Variants in SLC2A2 observed in about 807,000 individuals in gnomAD.
SLC2A2 encodes the protein solute carrier family 2, facilitated glucose transporter member 2.
In SLC2A2, 36 loss-of-function variants were observed where a neutral mutation model predicts 54.5. The ratio of observed to expected loss-of-function variants is 0.66; its 90% CI spans 0.51 to 0.87. The LOEUF (loss-of-function observed/expected upper bound fraction) is 0.87, where lower values mean the gene tolerates loss of function less well. SLC2A2 is among the 40% of genes least tolerant of loss of function. SLC2A2 has a pLI of 0.00. For missense variants in SLC2A2, 543 were observed against 624.3 expected (o/e 0.87, Z 1.39); for synonymous variants, 223 against 219.1 (o/e 1.02, Z -0.16).
chr3:171,019,129 GTATATATA>G (rs200539659), intron 1 of SLC2A2, among the ~76,000 whole-genome samples: 1 of 25,036 alleles, frequency 4.0e-5, no homozygotes, highest in African/African-American at 2.5e-4. Flanking sequence ...ATATACGTAT[GTATATATA>G]TATATATATA....
chr3:171,018,499 C>G, intron 2 of SLC2A2, 32 bp downstream of exon 2: 1 of 1,461,812 alleles, frequency 6.8e-7, no homozygotes, highest in Non-Finnish European at 9.6e-7. Context: ...ACAGAACTTG[C>G]CAAAAAGAGA....
intron 2 of SLC2A2, among the ~76,000 whole-genome samples, chr3:171,016,756 C>T (rs1426830247): frequency 2.0e-5 from 3 of 151,934 alleles, no homozygotes; most frequent in East Asian, 1.9e-4. Flanking sequence ...GTATGGGGAT[C>T]GCTGTTTTCA....
At chr3:171,005,743 G>A (rs1715566552) in intron 6 of SLC2A2, among the ~76,000 whole-genome samples, 200 bp downstream of exon 6, 1 of 151,986 alleles carries the variant, frequency 6.6e-6, no homozygotes, top group Admixed American at 6.6e-5. Flanking sequence ...CTCTGGTTGA[G>A]TCTAATACCG....
At chr3:171,025,327 C>T (rs1455648182) in intron 1 of SLC2A2, among the ~76,000 whole-genome samples, 1 of 133,772 alleles carries the variant, frequency 7.5e-6, no homozygotes, top group Admixed American at 7.2e-5. Context: ...TATAATTTAT[C>T]TTTTATAATT....
chr3:171,014,849 C>A (rs186730644), intron 2 of SLC2A2, 118 bp from the exon 3 acceptor site: 146 of 776,870 alleles, frequency 1.9e-4, no homozygotes, highest in Non-Finnish European at 2.9e-4. Flanking sequence ...GTTTTATATA[C>A]ATATAAACAT....
intron 2 of SLC2A2, among the ~76,000 whole-genome samples, chr3:171,016,177 T>C (rs1716142687): frequency 6.6e-6 from 1 of 152,196 alleles, no homozygotes; most frequent in Non-Finnish European, 1.5e-5. Context: ...AGCTCATGCC[T>C]GTAATCTAGC....
Position 170,998,082 on chromosome 3 carries a change from A to C in SLC2A2, c.1396T>G (p.Phe466Val), listed in dbSNP as rs1715171599. ...YIADFCGPYVFFLFAGVLLAF... is the reference protein window; with the variant it reads ...YIADFCGPYVVFLFAGVLLAF... ...AGGAGCACTCCAGCAAAGAGGAAAAACACATAAGGTCCACAGAAGTCCTGG... is the reference window on the plus strand; with the variant it reads ...AGGAGCACTCCAGCAAAGAGGAAAACCACATAAGGTCCACAGAAGTCCTGG... The change falls in exon 11 of 11, where the codon TTT becomes GTT. Residue 466 changes from phenylalanine (F) to valine (V), a missense_variant. This residue lies in a region of SLC2A2 where 108 missense variants were observed against 101.3 expected (regional missense o/e 1.07). Coordinates refer to ENST00000314251, the MANE Select transcript of SLC2A2 (RefSeq NM_000340.2). 6.2e-7 allele frequency: 1 copy of C among 1,613,676 alleles called. No homozygotes were observed. Among genetic ancestry groups the C allele is most frequent in the Non-Finnish European group, 8.5e-7 (1 of 1,179,784 alleles).
intron 2 of SLC2A2, 61 bp downstream of exon 2, chr3:171,018,470 C>G (rs1037911615): frequency 4.4e-6 from 5 of 1,136,116 alleles, no homozygotes; most frequent in Non-Finnish European, 6.7e-6. Context: ...GTATGAGGAA[C>G]ATATGATATC....
intron 4 of SLC2A2, chr3:171,007,567 G>A (rs1715672889): frequency 5.7e-6 from 2 of 353,524 alleles, no homozygotes; most frequent in Admixed American, 4.1e-5. Flanking sequence ...TAATGCCTTA[G>A]GTTATCTTCA....
chr3:171,003,438 T>C (rs933537534), intron 7 of SLC2A2, among the ~76,000 whole-genome samples: 1 of 149,864 alleles, frequency 6.7e-6, no homozygotes, highest in African/African-American at 2.4e-5. Flanking sequence ...ATGTAGTTTT[T>C]TTTGGGGGGG....
rs79709731 is a variant in SLC2A2 at position 171,010,412 on chromosome 3, C to T, written c.372-330G>A. 8.0e-3 allele frequency among the ~76,000 whole-genome samples: 1,220 copies of T among 152,248 alleles called. 22 individuals carry two copies. Among genetic ancestry groups the T allele is most frequent in the African/African-American group, 0.027 (1,118 of 41,558 alleles). ...CATCATGGTTCATTGAAGTCTTGAC[C>T]TCCCAGGCTCAAGCCTAATCTCTAC... is the stretch of plus-strand genomic sequence containing the variant. On this transcript the variant is annotated intron_variant, in intron 3 of 10. Transcript: ENST00000314251.
intron 3 of SLC2A2, among the ~76,000 whole-genome samples, chr3:171,013,909 G>C (rs1716004048): frequency 8.8e-6 from 1 of 113,110 alleles, no homozygotes; most frequent in Non-Finnish European, 1.8e-5. Context: ...TGATAAATGG[G>C]GGTATCTCTT....
At chr3:171,005,806 A>G in intron 6 of SLC2A2, 137 bp downstream of exon 6, 1 of 842,110 alleles carries the variant, frequency 1.2e-6, no homozygotes, top group Non-Finnish European at 2.0e-6. Context: ...GTGCCAAATG[A>G]CATGCACCAG....
At position 170,998,932 on chromosome 3, in the gene SLC2A2, T is replaced by C. The variant is rs553257873; in HGVS notation, c.1170+133A>G. ...TCTTTATATATCTCCTTTGATTTTA[T>C]GCTGTTGCTCTGGCTTTATTTCGTA... On this transcript the variant is annotated intron_variant, in intron 9 of 10. Transcript: ENST00000314251. 212 of 749,724 alleles carry C rather than the reference T, an allele frequency of 2.8e-4. No homozygotes were observed. In the African/African-American group the frequency reaches 3.4e-3, roughly 12 times the overall value. The allele number at this position is 749,724 out of a possible 1,614,324, so 46.4% of individuals were successfully genotyped here. A position where few individuals can be genotyped will look rare whatever the true frequency, so the allele number is the denominator to read the frequency against.
In SLC2A2 at chr3:171,010,016, T is replaced by C; in HGVS notation, c.438A>G (p.Lys146=). ...LVGALLMGFS[K]LGPSHILIIA... ...TTATAAGTATATGAGATGGTCCCAA[T>C]TTTGAAAACCCCATCAAGAGAGCTC... The change falls in exon 4 of 11, where the codon AAA becomes AAG. Residue 146 remains lysine, a synonymous_variant. Coordinates refer to ENST00000314251, the MANE Select transcript of SLC2A2 (RefSeq NM_000340.2). 3 of 1,612,624 alleles carry C rather than the reference T, an allele frequency of 1.9e-6. No individual in the cohort carries two copies. Among genetic ancestry groups the C allele is most frequent in the Non-Finnish European group, 1.7e-6 (2 of 1,179,252 alleles).
chr3:171,011,732 GC>G (rs1314432920), intron 3 of SLC2A2, among the ~76,000 whole-genome samples: 2 of 151,660 alleles, frequency 1.3e-5, no homozygotes. Context: ...ATTGTGAAAT[GC>G]TTTTTATCTA....
In SLC2A2 at chr3:171,008,553, A is replaced by T. The variant is rs116135807; in HGVS notation, c.497-1290T>A. On this transcript the variant is annotated intron_variant, in intron 4 of 10. Coordinates refer to ENST00000314251, the MANE Select transcript of SLC2A2 (RefSeq NM_000340.2). ...TAATTTTAGAAGATAGTTAGGGAGT[A>T]CAAGTTGGTTGGCTATGCTACTTAG... 5.9e-3 allele frequency among the ~76,000 whole-genome samples: 894 copies of T among 152,226 alleles called. 6 individuals carry two copies. Among genetic ancestry groups the T allele is most frequent in the Non-Finnish European group, 9.8e-3 (666 of 67,992 alleles).
rs1433565159 is a variant in SLC2A2, at chr3:171,006,117, A to G, written c.613-12T>C. On this transcript the variant is annotated splice_polypyrimidine_tract_variant and intron_variant, in intron 5 of 10. Coordinates refer to ENST00000314251, the MANE Select transcript of SLC2A2 (RefSeq NM_000340.2). Reference sequence around the variant, plus strand: ...TCAAGACCAATAATCTGAAAATGCAAGGAGGAAGTATATCAACTACATAAT... The same window carrying G: ...TCAAGACCAATAATCTGAAAATGCAGGGAGGAAGTATATCAACTACATAAT... 2 of 1,609,502 alleles carry G rather than the reference A, an allele frequency of 1.2e-6. No homozygotes were observed. Among genetic ancestry groups the G allele is most frequent in the East Asian group, 4.5e-5 (2 of 44,738 alleles).
chr3:171,014,090 A>T (rs1040696818), intron 3 of SLC2A2, among the ~76,000 whole-genome samples: 1 of 152,210 alleles, frequency 6.6e-6, no homozygotes, highest in Admixed American at 6.5e-5. Flanking sequence ...TTTGAGACAT[A>T]GTGTGATTTG....
Sources: gnomAD v4.1 joint callset for allele counts (sites outside exome capture counted in the v4.1 genomes callset) on GRCh38, gnomAD v4.1.1 for gene constraint, gnomAD v4.1.1 regional missense constraint, MANE v1.5 for transcripts, NCBI Gene and HGNC (gene_info 2026-07-23, HGNC 2026-07-21) for gene names.